SUPT3H: variants seen among roughly 807,000 people sequenced by gnomAD.
SUPT3H encodes the protein transcription initiation protein SPT3 homolog.
Under a neutral mutation model 44.3 loss-of-function variants are expected in SUPT3H, and 44 were observed. The observed-to-expected ratio is 0.99, with a 90% CI of 0.78 to 1.28. The LOEUF is 1.28. SUPT3H is among the 50% of genes most tolerant of loss of function. The probability of loss-of-function intolerance (pLI) is 0.00; values close to 1 mark genes in which losing one functional copy is unlikely to be tolerated. For missense variants in SUPT3H, 380 were observed against 387.1 expected, an observed-to-expected ratio of 0.98 and a Z score of 0.15; for synonymous variants, 124 against 125.6, an observed-to-expected ratio of 0.99 and a Z score of 0.09.
intron 2 of SUPT3H, among the ~76,000 whole-genome samples, chr6:45,286,188 C>A (rs4512221): frequency 0.98 from 148,103 of 151,516 alleles, 72,390 homozygotes; most frequent in Middle Eastern, 1. Flanking sequence ...AGGCATGGGC[C>A]AGGACTTCAT....
intron 3 of SUPT3H, among the ~76,000 whole-genome samples, chr6:45,075,957 C>G (rs2153555403): frequency 6.6e-6 from 1 of 152,136 alleles, no homozygotes; most frequent in African/African-American, 2.4e-5. Context: ...TTTTCAGTAT[C>G]TATATAATTA....
In SUPT3H at chr6:44,944,762, C is replaced by CAAAAAAAAAAAAA. The variant is rs57506313; in HGVS notation, c.801+8535_801+8547dup. ...GGGAGACAAAGCAAGACCCTCTCTC[C>CAAAAAAAAAAAAA]AAAAAAAAAAAAAAAAAAAAAAAGA... On this transcript the variant is annotated intron_variant, in intron 9 of 10. Coordinates refer to ENST00000371459, the MANE Select transcript of SUPT3H (RefSeq NM_003599.4). Among the ~76,000 whole-genome samples, 79 of 29,854 alleles carry CAAAAAAAAAAAAA rather than the reference C, an allele frequency of 2.6e-3. 2 individuals are homozygous for CAAAAAAAAAAAAA. The highest frequency in any genetic ancestry group is 4.6e-3 in the South Asian group (4 of 872). 19.6% of individuals were successfully genotyped at this position (29,854 alleles called of 152,430 possible). A position where few individuals can be genotyped will look rare whatever the true frequency, so the allele number is the denominator to read the frequency against.
In SUPT3H at chr6:44,855,841, A is replaced by C. The variant is rs544245852; in HGVS notation, c.913-25984T>G. 5.9e-5 allele frequency among the ~76,000 whole-genome samples: 9 copies of C among 152,054 alleles called. No individual in the cohort carries two copies. The South Asian group carries it at 8.3e-4, about 14-fold the overall frequency. On this transcript the variant is annotated intron_variant, in intron 10 of 10. Coordinates refer to ENST00000371459, the MANE Select transcript of SUPT3H (RefSeq NM_003599.4). Reference sequence around the variant, plus strand: ...TAGTAACAATACTGAAAAGCTTCATACTGTCTGCCATTATGCCTCCTCAAG... The same window carrying C: ...TAGTAACAATACTGAAAAGCTTCATCCTGTCTGCCATTATGCCTCCTCAAG...
At chr6:45,150,185 A>T (rs1195072509) in intron 2 of SUPT3H, among the ~76,000 whole-genome samples, 3 of 152,148 alleles carry the variant, frequency 2.0e-5, no homozygotes, top group Non-Finnish European at 4.4e-5. Context: ...AAAAGAACCA[A>T]TTAGGATATA....
chr6:44,930,017 G>A (rs186983698), intron 10 of SUPT3H, among the ~76,000 whole-genome samples: 3 of 152,212 alleles, frequency 2.0e-5, no homozygotes, highest in Admixed American at 2.0e-4. Flanking sequence ...CGAGGCCGAG[G>A]TGGGTGGATC....
At chr6:44,945,524 A>G (rs966659014) in intron 9 of SUPT3H, among the ~76,000 whole-genome samples, 14 of 152,206 alleles carry the variant, frequency 9.2e-5, no homozygotes, top group African/African-American at 3.1e-4. Context: ...ACAAATGATA[A>G]GAAGGTGAAA....
intron 10 of SUPT3H, among the ~76,000 whole-genome samples, chr6:44,830,335 T>G (rs1768420130): frequency 6.6e-6 from 1 of 152,156 alleles, no homozygotes; most frequent in South Asian, 2.1e-4. Context: ...TCCTCCTCCC[T>G]AAAATATGAT....
At chr6:45,061,585 C>A (rs979379219) in intron 3 of SUPT3H, among the ~76,000 whole-genome samples, 1 of 152,128 alleles carries the variant, frequency 6.6e-6, no homozygotes, top group African/African-American at 2.4e-5. Context: ...TGCACATGTA[C>A]ACCGGAACTT....
At chr6:45,215,785 C>A (rs942385302) in intron 2 of SUPT3H, among the ~76,000 whole-genome samples, 1 of 152,114 alleles carries the variant, frequency 6.6e-6, no homozygotes, top group Admixed American at 6.6e-5. Context: ...GAAATAATAG[C>A]TGAGAAGTCT....
At chr6:45,178,226 C>T (rs1812381977) in intron 2 of SUPT3H, among the ~76,000 whole-genome samples, 1 of 152,086 alleles carries the variant, frequency 6.6e-6, no homozygotes, top group African/African-American at 2.4e-5. Flanking sequence ...AGAGGAAGAT[C>T]TACCAAGCAA....
intron 3 of SUPT3H, among the ~76,000 whole-genome samples, chr6:45,085,789 A>G (rs1378382034): frequency 6.6e-6 from 1 of 152,110 alleles, no homozygotes; most frequent in Non-Finnish European, 1.5e-5. Flanking sequence ...CGAATACTGG[A>G]TGATTAATAA....
chr6:45,110,912 G>A (rs1799955300), intron 2 of SUPT3H, among the ~76,000 whole-genome samples: 1 of 151,974 alleles, frequency 6.6e-6, no homozygotes, highest in Non-Finnish European at 1.5e-5. Flanking sequence ...TATATGTAAT[G>A]TGTGTACATA....
At chr6:45,017,720 C>G (rs990870609) in intron 4 of SUPT3H, among the ~76,000 whole-genome samples, 1 of 146,364 alleles carries the variant, frequency 6.8e-6, no homozygotes, top group Non-Finnish European at 1.5e-5. Context: ...TGTTTTGGTA[C>G]CAGTACCATG....
At chr6:44,852,223 T>C (rs924896128) in intron 10 of SUPT3H, among the ~76,000 whole-genome samples, 4 of 152,200 alleles carry the variant, frequency 2.6e-5, no homozygotes, top group African/African-American at 9.7e-5. Context: ...AAAGTAATTA[T>C]AGGTGGCACT....
chr6:45,093,938 T>C (rs1313194453), intron 3 of SUPT3H, among the ~76,000 whole-genome samples: 3 of 152,076 alleles, frequency 2.0e-5, no homozygotes, highest in African/African-American at 2.4e-5. Flanking sequence ...AATAGAGTAG[T>C]GAAAGCAGCC....
chr6:45,135,547 G>A (rs1322002876), intron 2 of SUPT3H, among the ~76,000 whole-genome samples: 1 of 152,000 alleles, frequency 6.6e-6, no homozygotes, highest in Non-Finnish European at 1.5e-5. Context: ...CTTAAATTCC[G>A]CCTCTTATGA....
At chr6:45,309,017 T>C (rs1451984461) in intron 2 of SUPT3H, among the ~76,000 whole-genome samples, 11 of 151,986 alleles carry the variant, frequency 7.2e-5, no homozygotes, top group Admixed American at 7.2e-4. Flanking sequence ...TGCAAATTTT[T>C]GTTTTTCCTG....
At chr6:45,128,692 CT>C (rs200994462) in intron 2 of SUPT3H, among the ~76,000 whole-genome samples, 21 of 141,154 alleles carry the variant, frequency 1.5e-4, no homozygotes, top group Non-Finnish European at 2.0e-4. Flanking sequence ...TTAAAAGATT[CT>C]TTTTTTTTTT....
chr6:45,075,254 C>T (rs1794862407), intron 3 of SUPT3H, among the ~76,000 whole-genome samples: 1 of 151,962 alleles, frequency 6.6e-6, no homozygotes, highest in African/African-American at 2.4e-5. Context: ...TTTTAAATAC[C>T]TTCCTAAACA....
Sources: allele counts gnomAD v4.1 joint callset (sites outside exome capture counted in the v4.1 genomes callset), GRCh38; gene constraint gnomAD v4.1.1; transcripts MANE v1.5; gene names NCBI Gene and HGNC (gene_info 2026-07-23, HGNC 2026-07-21).